The following ITPK1 variants were observed in gnomAD, a reference collection of about 807,000 sequenced individuals.
The protein encoded by ITPK1 is inositol-tetrakisphosphate 1-kinase.
In ITPK1, 21 loss-of-function variants were observed where a neutral mutation model predicts 45.3. The observed-to-expected ratio is 0.46, with a 90% confidence interval of 0.33 to 0.67. The LOEUF is 0.67. ITPK1 is among the 30% of genes least tolerant of loss of function. The pLI is 0.02. For synonymous variants in ITPK1, 258 were observed against 253.6 expected (o/e 1.02, Z -0.16); for missense variants, 474 against 573.5 (o/e 0.83, Z 1.77).
At chr14:93,114,919 G>A (rs546592072) in intron 2 of ITPK1, 150 bp downstream of exon 2, 3 of 495,714 alleles carry the variant, frequency 6.1e-6, no homozygotes, top group Non-Finnish European at 1.0e-5. Flanking sequence ...ACCGCCACCT[G>A]GCTGCTCGGA....
chr14:93,093,963 AC>A (rs1191499085), intron 2 of ITPK1, among the ~76,000 whole-genome samples: 1 of 152,176 alleles, frequency 6.6e-6, no homozygotes, highest in African/African-American at 2.4e-5. Flanking sequence ...AGGGATCCTC[AC>A]CCCGATTGCC....
intron 7 of ITPK1, among the ~76,000 whole-genome samples, chr14:92,959,836 G>T (rs932408915): frequency 1.3e-5 from 2 of 152,236 alleles, no homozygotes; most frequent in Admixed American, 1.3e-4. Context: ...AGCAGAAATG[G>T]TCCTGGTTTT....
At chr14:93,064,634 T>A (rs979319067) in intron 3 of ITPK1, among the ~76,000 whole-genome samples, 2 of 152,202 alleles carry the variant, frequency 1.3e-5, no homozygotes, top group Non-Finnish European at 2.9e-5. Context: ...CAAGCCGGGA[T>A]CTCCTTATAG....
chr14:93,076,536 G>C lies in ITPK1; in HGVS notation c.120+59C>G. On this transcript the variant is annotated intron_variant, in intron 3 of 10. Coordinates refer to ENST00000267615, the MANE Select transcript of ITPK1 (RefSeq NM_014216.6). The surrounding 1 kb of genome is among the most constrained non-coding windows in gnomAD (Gnocchi z 4.3). ...GCTGGAGGAGAGAAGGAGAGACAGA[G>C]AGGTGGGCACCAAGGGCCCCACTAC... 6.3e-7 allele frequency: 1 copy of C among 1,579,896 alleles called. No homozygotes were observed. Among genetic ancestry groups the C allele is most frequent in the East Asian group, 2.2e-5 (1 of 44,706 alleles).
Position 93,034,560 on chromosome 14 carries a change from C to T in ITPK1, c.121-17759G>A, listed in dbSNP as rs1431287014. On this transcript the variant is annotated intron_variant, in intron 3 of 10. Transcript: ENST00000267615. The surrounding 1 kb of genome is among the most constrained non-coding windows in gnomAD (Gnocchi z 4.1). ...CTGGGAGATCTGTCTGCTCTGCTCCCCACTAGAGGGCAGGCCAGCCTGAGC... is the reference window on the plus strand; with the variant it reads ...CTGGGAGATCTGTCTGCTCTGCTCCTCACTAGAGGGCAGGCCAGCCTGAGC... 1.3e-5 allele frequency among the ~76,000 whole-genome samples: 2 copies of T among 152,178 alleles called. No individual in the cohort carries two copies. Among genetic ancestry groups the T allele is most frequent in the Non-Finnish European group, 1.5e-5 (1 of 68,034 alleles).
chr14:92,962,505 C>T (rs954629238), intron 6 of ITPK1, 110 bp from the exon 7 acceptor site: 5 of 813,198 alleles, frequency 6.1e-6, no homozygotes, highest in Non-Finnish European at 8.7e-6. Context: ...AGACTCTGGA[C>T]ACCTGGTATC....
At chr14:93,072,193 T>C (rs1446691593) in intron 3 of ITPK1, 1 of 151,010 alleles carries the variant, frequency 6.6e-6, no homozygotes, top group Non-Finnish European at 1.5e-5. Context: ...CCTCAGCTAC[T>C]TGGGAGGCTG....
intron 2 of ITPK1, among the ~76,000 whole-genome samples, chr14:93,095,403 A>G (rs977550174): frequency 6.6e-6 from 1 of 152,182 alleles, no homozygotes; most frequent in African/African-American, 2.4e-5. Context: ...CTAACTTGCT[A>G]GACAGGAGCA....
chr14:93,039,421 T>C (rs1030998684), intron 3 of ITPK1, among the ~76,000 whole-genome samples: 5 of 152,088 alleles, frequency 3.3e-5, no homozygotes, highest in Admixed American at 2.0e-4. Flanking sequence ...GGCAGGAGAA[T>C]CACTTGAGCC....
At chr14:92,978,098 T>C (rs991578638) in intron 5 of ITPK1, among the ~76,000 whole-genome samples, 3 of 151,978 alleles carry the variant, frequency 2.0e-5, no homozygotes, top group Non-Finnish European at 4.4e-5. Context: ...CAGATGGAGA[T>C]GAGGAACTTA....
At chr14:92,970,465 T>C (rs1177085856) in intron 5 of ITPK1, among the ~76,000 whole-genome samples, 1 of 152,188 alleles carries the variant, frequency 6.6e-6, no homozygotes, top group East Asian at 1.9e-4. Flanking sequence ...CAGCTATGTG[T>C]GCCTCCGACA....
intron 2 of ITPK1, among the ~76,000 whole-genome samples, chr14:93,096,630 A>G (rs1566784008): frequency 6.6e-6 from 1 of 152,242 alleles, no homozygotes; most frequent in Non-Finnish European, 1.5e-5. Context: ...ACCCAGCAGC[A>G]CAAGGAGAAG....
chr14:93,103,293 CTT>C (rs987505938), intron 2 of ITPK1, among the ~76,000 whole-genome samples: 2 of 151,766 alleles, frequency 1.3e-5, no homozygotes, highest in Non-Finnish European at 1.5e-5. Context: ...GTGGCGCGTG[CTT>C]GTAATCCCAG....
rs549365691 is a variant in ITPK1 at position 92,987,714 on chromosome 14, T to C, written c.364+6166A>G. On this transcript the variant is annotated intron_variant, in intron 5 of 10. Transcript: ENST00000267615. ...TCTAAGGTTCCACACCCCCCATCTG[T>C]AAAGGGGGAACGCTACAGCTGAGGG... Among the ~76,000 whole-genome samples the C allele has an allele frequency of 2.6e-5, 4 of 152,184 alleles. No homozygotes were observed. The South Asian group carries it at 8.3e-4, about 32-fold the overall frequency.
chr14:93,043,019 A>G (rs1181234684), intron 3 of ITPK1, among the ~76,000 whole-genome samples: 1 of 151,792 alleles, frequency 6.6e-6, no homozygotes, highest in Non-Finnish European at 1.5e-5. Flanking sequence ...TGTCTCAAAA[A>G]AAAAAGTTTC....
rs1349126944 is a variant in ITPK1 at position 93,034,651 on chromosome 14, C to T, written c.121-17850G>A. Among the ~76,000 whole-genome samples the T allele has an allele frequency of 1.3e-5, 2 of 152,248 alleles. No individual in the cohort carries two copies. Among genetic ancestry groups the T allele is most frequent in the Non-Finnish European group, 2.9e-5 (2 of 68,042 alleles). On this transcript the variant is annotated intron_variant, in intron 3 of 10. Coordinates refer to ENST00000267615, the MANE Select transcript of ITPK1 (RefSeq NM_014216.6). The surrounding 1 kb of genome is among the most constrained non-coding windows in gnomAD (Gnocchi z 4.1). ...GTGGGGACTCAGTGAAAGCCTATGG[C>T]TAAGTGGGCACATAATGACCCACCA...
chr14:93,009,809 C>G (rs994567168), intron 4 of ITPK1, among the ~76,000 whole-genome samples: 1 of 152,208 alleles, frequency 6.6e-6, no homozygotes, highest in African/African-American at 2.4e-5. Context: ...CAATCCCAGA[C>G]GATGACCTCC....
chr14:92,973,347 G>A (rs938684532), intron 5 of ITPK1, among the ~76,000 whole-genome samples: 2 of 152,230 alleles, frequency 1.3e-5, no homozygotes, highest in Non-Finnish European at 2.9e-5. Flanking sequence ...AAAGGAGGAG[G>A]GAAGCCCAGT....
At chr14:93,066,104 G>A (rs557666916) in intron 3 of ITPK1, 2 of 314,874 alleles carry the variant, frequency 6.4e-6, no homozygotes, top group Admixed American at 4.6e-5. Context: ...GAATAATCTA[G>A]AGTTATTTTT....
Sources: gnomAD v4.1 joint callset for allele counts (sites outside exome capture counted in the v4.1 genomes callset) on GRCh38, gnomAD v4.1.1 for gene constraint, Gnocchi (gnomAD v3.1) non-coding constraint, MANE v1.5 for transcripts, NCBI Gene and HGNC (gene_info 2026-07-23, HGNC 2026-07-21) for gene names.